The following GXYLT1 variants were observed in gnomAD, a reference collection of about 807,000 sequenced individuals.
GXYLT1 encodes glucoside xylosyltransferase 1.
In GXYLT1, 29 loss-of-function variants were observed where a neutral mutation model predicts 54.0. The observed-to-expected ratio is 0.54, with a 90% CI of 0.40 to 0.73. The LOEUF is 0.73. Among genes scored for constraint, GXYLT1 ranks in the 30% least tolerant of loss-of-function variants. GXYLT1 has a pLI of 0.00. For synonymous variants in GXYLT1, 176 were observed against 204.1 expected (o/e 0.86, Z 1.17); for missense variants, 490 against 553.4 (o/e 0.89, Z 1.15).
intron 2 of GXYLT1, among the ~76,000 whole-genome samples, chr12:42,124,104 A>G (rs531446789): frequency 3.9e-5 from 6 of 152,046 alleles, no homozygotes; most frequent in South Asian, 4.1e-4. Context: ...AACATGAAAT[A>G]TAAGTATTAA....
At chr12:42,114,761 T>A (rs987263600) in intron 3 of GXYLT1, among the ~76,000 whole-genome samples, 14 of 152,164 alleles carry the variant, frequency 9.2e-5, no homozygotes, top group African/African-American at 3.4e-4. Context: ...AAAGAAGGAA[T>A]CCTCCCTAAC....
At chr12:42,108,247 G>T (rs1317528240) in intron 4 of GXYLT1, among the ~76,000 whole-genome samples, 1 of 152,166 alleles carries the variant, frequency 6.6e-6, no homozygotes, top group African/African-American at 2.4e-5. Context: ...AAAGTGCCAT[G>T]GTGCCAAGTG....
intron 5 of GXYLT1, among the ~76,000 whole-genome samples, chr12:42,101,851 C>A (rs916373690): frequency 1.3e-5 from 2 of 152,164 alleles, no homozygotes; most frequent in African/African-American, 2.4e-5. Context: ...GGATTACAGG[C>A]ATGAGCCACT....
chr12:42,127,477 T>C (rs893004386), intron 2 of GXYLT1, among the ~76,000 whole-genome samples: 1 of 152,200 alleles, frequency 6.6e-6, no homozygotes, highest in Admixed American at 6.5e-5. Context: ...TACAACATTA[T>C]GTATCCATCC....
Position 42,122,688 on chromosome 12 carries a change from T to G in GXYLT1, c.315-3517A>C, listed in dbSNP as rs537527582. ...TTTTTTAAAGATGAATACCAACCAA[T>G]AAATGCAGAAGAAATGAGAGAATTA... On this transcript the variant is annotated intron_variant, in intron 2 of 7. Coordinates refer to ENST00000398675, the MANE Select transcript of GXYLT1 (RefSeq NM_173601.2). Among the ~76,000 whole-genome samples, 53 of 152,176 alleles carry G rather than the reference T, an allele frequency of 3.5e-4. No homozygotes were observed. The Middle Eastern group carries it at 0.01, about 29-fold the overall frequency.
chr12:42,133,649 C>T (rs2065604606), intron 1 of GXYLT1, among the ~76,000 whole-genome samples: 1 of 152,204 alleles, frequency 6.6e-6, no homozygotes, highest in African/African-American at 2.4e-5. Context: ...GTTCACAGTC[C>T]TCGTCTCAGT....
chr12:42,144,387 C>A, intron 1 of GXYLT1, 39 bp downstream of exon 1: 1 of 1,310,332 alleles, frequency 7.6e-7, no homozygotes. Context: ...CCCAGCGCCC[C>A]GCGCCCGCCG....
chr12:42,090,362 G>T (rs931822259), intron 7 of GXYLT1, among the ~76,000 whole-genome samples: 1 of 152,150 alleles, frequency 6.6e-6, no homozygotes, highest in Non-Finnish European at 1.5e-5. Flanking sequence ...GGCCACACGT[G>T]CCCTTACCTG....
At chr12:42,136,194 T>C (rs945004543) in intron 1 of GXYLT1, among the ~76,000 whole-genome samples, 4 of 152,202 alleles carry the variant, frequency 2.6e-5, no homozygotes, top group African/African-American at 9.7e-5. Flanking sequence ...CAGTGGCTTA[T>C]TAGAAGCAAT....
At chr12:42,101,737 A>G (rs897151250) in intron 5 of GXYLT1, among the ~76,000 whole-genome samples, 3 of 152,080 alleles carry the variant, frequency 2.0e-5, no homozygotes, top group Non-Finnish European at 2.9e-5. Flanking sequence ...ATGCCTGGCT[A>G]ATTTTTGTAT....
chr12:42,091,319 C>T (rs1325318843), intron 7 of GXYLT1, among the ~76,000 whole-genome samples: 2 of 151,846 alleles, frequency 1.3e-5, no homozygotes, highest in Non-Finnish European at 2.9e-5. Context: ...TGTAATTAAT[C>T]AACTTAAAAC....
chr12:42,083,404 G>A lies in GXYLT1; in HGVS notation c.*4382C>T, dbSNP rs901852547. ...TTATTAAATATTAAAATGCAATAAG[G>A]CAATTATTGTTTTTAAGACACTTGA... On this transcript the variant is annotated 3_prime_UTR_variant, in exon 8 of 8. Coordinates refer to ENST00000398675, the MANE Select transcript of GXYLT1 (RefSeq NM_173601.2). 2.0e-5 allele frequency: 3 copies of A among 152,146 alleles called. No individual in the cohort carries two copies. Among genetic ancestry groups the A allele is most frequent in the African/African-American group, 7.2e-5 (3 of 41,434 alleles). 9.4% of individuals were successfully genotyped at this position (152,146 alleles called of 1,614,324 possible).
chr12:42,088,804 A>G (rs1490062182), intron 7 of GXYLT1, among the ~76,000 whole-genome samples: 1 of 147,776 alleles, frequency 6.8e-6, no homozygotes, highest in Non-Finnish European at 1.5e-5. Context: ...TGAAAAATGC[A>G]AAATCACAAA....
rs2065263340 is a variant in GXYLT1, at chr12:42,083,178, A to G, written c.*4608T>C. 1 of 152,078 alleles carries G rather than the reference A, an allele frequency of 6.6e-6. No homozygotes were observed. The highest frequency in any genetic ancestry group is 1.5e-5 in the Non-Finnish European group (1 of 67,994). 9.4% of individuals were successfully genotyped at this position (152,078 alleles called of 1,614,324 possible). Reference sequence around the variant, plus strand: ...TTGCTGGATATTTGAATAACACATTAATTTTTTAAAAAAAAATTTTCTGGT... The same window carrying G: ...TTGCTGGATATTTGAATAACACATTGATTTTTTAAAAAAAAATTTTCTGGT... On this transcript the variant is annotated 3_prime_UTR_variant, in exon 8 of 8. Coordinates refer to ENST00000398675, the MANE Select transcript of GXYLT1 (RefSeq NM_173601.2).
At chr12:42,111,687 T>C (rs890603649) in intron 3 of GXYLT1, among the ~76,000 whole-genome samples, 2 of 152,224 alleles carry the variant, frequency 1.3e-5, no homozygotes, top group Non-Finnish European at 2.9e-5. Flanking sequence ...CCTGCCTGCC[T>C]CTGTAGGCTC....
At chr12:42,119,240 C>T in intron 2 of GXYLT1, 69 bp from the exon 3 acceptor site, 1 of 1,307,574 alleles carries the variant, frequency 7.6e-7, no homozygotes, top group Non-Finnish European at 1.1e-6. Context: ...TTTCATCATG[C>T]TCAAAAAGTG....
In GXYLT1 at chr12:42,097,626, A is replaced by C. The variant is rs1221325859; in HGVS notation, c.989-12T>G. 15 of 1,599,906 alleles carry C rather than the reference A, an allele frequency of 9.4e-6. No homozygotes were observed. Among genetic ancestry groups the C allele is most frequent in the Non-Finnish European group, 1.3e-5 (15 of 1,175,652 alleles). On this transcript the variant is annotated splice_polypyrimidine_tract_variant and intron_variant, in intron 6 of 7. Transcript: ENST00000398675. ...AACAAAAAGGCTTTCTACATAAAGA[A>C]AAGACCAAACAATGAAGCAAATACC...
rs573271990 is a variant in GXYLT1, at chr12:42,088,955, T to A, written c.1162-1008A>T. Among the ~76,000 whole-genome samples, 99 of 141,088 alleles carry A rather than the reference T, an allele frequency of 7.0e-4. No homozygotes were observed. The Middle Eastern group carries it at 0.012, about 16-fold the overall frequency. 92.6% of individuals were successfully genotyped at this position (141,088 alleles called of 152,430 possible). On this transcript the variant is annotated intron_variant, in intron 7 of 7. Coordinates refer to ENST00000398675, the MANE Select transcript of GXYLT1 (RefSeq NM_173601.2). ...TCAATCTACAGAGAAGAGGATGAACTTGGATGTTTGTTTAAAACATGGGTT... is the reference window on the plus strand; with the variant it reads ...TCAATCTACAGAGAAGAGGATGAACATGGATGTTTGTTTAAAACATGGGTT...
intron 1 of GXYLT1, among the ~76,000 whole-genome samples, chr12:42,134,971 T>A (rs2065611514): frequency 6.6e-6 from 1 of 152,214 alleles, no homozygotes; most frequent in African/African-American, 2.4e-5. Flanking sequence ...ACTGTTCAGT[T>A]ATTCACTCCC....
Sources: gnomAD v4.1 joint callset for allele counts (sites outside exome capture counted in the v4.1 genomes callset) on GRCh38, gnomAD v4.1.1 for gene constraint, MANE v1.5 for transcripts, NCBI Gene and HGNC (gene_info 2026-07-23, HGNC 2026-07-21) for gene names.